NFAT5: variants seen among roughly 807,000 people sequenced by gnomAD.
NFAT5 encodes nuclear factor of activated T-cells 5.
Under a neutral mutation model 166.5 loss-of-function variants are expected in NFAT5, and 31 were observed. The ratio of observed to expected loss-of-function variants is 0.19; its 90% confidence interval spans 0.14 to 0.25. The LOEUF (loss-of-function observed/expected upper bound fraction) is 0.25. NFAT5 is among the 10% of genes least tolerant of loss of function. The probability of loss-of-function intolerance (pLI) is 1.00; values close to 1 mark genes in which losing one functional copy is unlikely to be tolerated. For synonymous variants in NFAT5, 612 were observed against 639.7 expected, an observed-to-expected ratio of 0.96 and a Z score of 0.65; for missense variants, 1,449 against 1,821.8, an observed-to-expected ratio of 0.80 and a Z score of 3.72.
chr16:69,673,291 GTTTTA>G (rs1037898585), intron 9 of NFAT5, among the ~76,000 whole-genome samples: 4 of 152,062 alleles, frequency 2.6e-5, no homozygotes, highest in African/African-American at 4.8e-5. Context: ...TCAGAGAGAG[GTTTTA>G]TTTTATTTTT....
rs1597465557 is a variant in NFAT5 at position 69,647,737 on chromosome 16, A to G, written c.812+151A>G. On this transcript the variant is annotated intron_variant, in intron 4 of 14. Coordinates refer to ENST00000349945, the MANE Select transcript of NFAT5 (RefSeq NM_138713.4). This position sits in a 1 kb window ranked among gnomAD's most constrained non-coding sequence, Gnocchi z 4.8. ...TTGAAATACATGAAAATTTTAACTT[A>G]AAATTACCAACTTTTACTAGATAGA... 6.0e-6 allele frequency: 4 copies of G among 664,148 alleles called. No individual in the cohort carries two copies. Among genetic ancestry groups the G allele is most frequent in the Non-Finnish European group, 7.3e-6 (3 of 409,738 alleles). 41.1% of individuals were successfully genotyped at this position (664,148 alleles called of 1,614,324 possible).
At position 69,626,403 on chromosome 16, in the gene NFAT5, A is replaced by C; in HGVS notation, c.128A>C (p.Glu43Ala). 6.4e-7 allele frequency: 1 copy of C among 1,558,768 alleles called. No homozygotes were observed. Among genetic ancestry groups the C allele is most frequent in the Non-Finnish European group, 8.6e-7 (1 of 1,158,252 alleles). Reference protein sequence around the residue: ...QNFHRAGLLEESVYDLLPKEL... With the variant: ...QNFHRAGLLEASVYDLLPKEL... ...TCTCCTCTCTTTCCCCTCCCCACAG[A>C]ATCTGTCTATGATCTTCTCCCAAAG... Residue 43 changes from glutamate (E) to alanine (A), a missense_variant and splice_region_variant, in exon 3 of 15, where the codon GAA (glutamate) becomes GCA (alanine). Coordinates refer to ENST00000349945, the MANE Select transcript of NFAT5 (RefSeq NM_138713.4).
At chr16:69,587,735 G>C (rs2032174561) in intron 2 of NFAT5, among the ~76,000 whole-genome samples, 1 of 151,942 alleles carries the variant, frequency 6.6e-6, no homozygotes. Flanking sequence ...TTTTCTATTT[G>C]AAAGAATAAT....
chr16:69,590,410 A>AT (rs1054989609), intron 2 of NFAT5, among the ~76,000 whole-genome samples: 7 of 152,120 alleles, frequency 4.6e-5, no homozygotes, highest in African/African-American at 1.7e-4. Flanking sequence ...AAAGTTCAGG[A>AT]TTTTTTGCGT....
At chr16:69,601,736 A>G (rs1271859600) in intron 2 of NFAT5, among the ~76,000 whole-genome samples, 1 of 152,174 alleles carries the variant, frequency 6.6e-6, no homozygotes, top group African/African-American at 2.4e-5. Context: ...CTATTATTTC[A>G]TTTTATTTTT....
At chr16:69,671,623 C>T (rs1019923401) in intron 9 of NFAT5, among the ~76,000 whole-genome samples, 1 of 152,190 alleles carries the variant, frequency 6.6e-6, no homozygotes, top group Non-Finnish European at 1.5e-5. Context: ...CCCGCCTTGG[C>T]CTCCCAAAGT....
chr16:69,616,686 T>C (rs1032202852), intron 2 of NFAT5, among the ~76,000 whole-genome samples: 1 of 152,036 alleles, frequency 6.6e-6, no homozygotes, highest in African/African-American at 2.4e-5. Flanking sequence ...TTCTTCACCC[T>C]GCTTAGGCTC....
intron 2 of NFAT5, among the ~76,000 whole-genome samples, chr16:69,588,353 A>G (rs2032232593): frequency 6.6e-6 from 1 of 152,192 alleles, no homozygotes; most frequent in Non-Finnish European, 1.5e-5. Context: ...AACTCCTGAG[A>G]ATACTTAAGA....
intron 2 of NFAT5, among the ~76,000 whole-genome samples, chr16:69,582,031 G>A (rs912050315): frequency 2.6e-5 from 4 of 152,144 alleles, no homozygotes; most frequent in African/African-American, 7.2e-5. Context: ...TTGTGAGGCC[G>A]AGGAGGGCGG....
chr16:69,576,949 A>T (rs190094083), intron 2 of NFAT5, among the ~76,000 whole-genome samples: 2 of 152,210 alleles, frequency 1.3e-5, no homozygotes, highest in African/African-American at 4.8e-5. Context: ...GGAAGCATGG[A>T]TGCCATTGTT....
Position 69,566,023 on chromosome 16 carries a change from A to C in NFAT5, c.-279A>C. On this transcript the variant is annotated 5_prime_UTR_variant, in exon 1 of 15. Coordinates refer to ENST00000349945, the MANE Select transcript of NFAT5 (RefSeq NM_138713.4). The surrounding 1 kb of genome is among the most constrained non-coding windows in gnomAD (Gnocchi z 5.7). ...GACCGTCAGTTTTCGCTGAGGAGAA[A>C]CACGAAACGGACCCTTTGGCTCTCC... The C allele has an allele frequency of 2.4e-6, 1 of 408,796 alleles. No individual in the cohort carries two copies. Among genetic ancestry groups the C allele is most frequent in the Non-Finnish European group, 4.3e-6 (1 of 229,922 alleles). The allele number at this position is 408,796 out of a possible 1,614,324, so 25.3% of individuals were successfully genotyped here. A position where few individuals can be genotyped will look rare whatever the true frequency, so the allele number is the denominator to read the frequency against.
At chr16:69,659,963 A>G (rs2036052220) in intron 7 of NFAT5, 64 bp downstream of exon 7, 5 of 1,336,654 alleles carry the variant, frequency 3.7e-6, no homozygotes, top group Admixed American at 2.4e-5. Context: ...TTAATCTTTT[A>G]GACATCTCTA....
intron 2 of NFAT5, among the ~76,000 whole-genome samples, chr16:69,618,158 CAA>C (rs549536024): frequency 9.5e-5 from 8 of 84,352 alleles, no homozygotes; most frequent in Non-Finnish European, 7.5e-5. Flanking sequence ...AACTCCATCT[CAA>C]AAAAAAAAAA....
chr16:69,589,077 C>T (rs1259744885), intron 2 of NFAT5, among the ~76,000 whole-genome samples: 1 of 148,404 alleles, frequency 6.7e-6, no homozygotes, highest in Non-Finnish European at 1.5e-5. Context: ...TCACCACAAC[C>T]TCCACGTCCT....
Position 69,702,132 on chromosome 16 carries a change from A to T in NFAT5, c.*5781A>T, listed in dbSNP as rs1290416497. ...GTGGCACTGAGGACTGCAAACTTTT[A>T]TGCAATATTCTTAATACCCTATTGA... On this transcript the variant is annotated 3_prime_UTR_variant, in exon 15 of 15. Coordinates refer to ENST00000349945, the MANE Select transcript of NFAT5 (RefSeq NM_138713.4). 1 of 152,624 alleles carries T rather than the reference A, an allele frequency of 6.6e-6. No individual in the cohort carries two copies. The highest frequency in any genetic ancestry group is 2.4e-5 in the African/African-American group (1 of 41,448). The allele number at this position is 152,624 out of a possible 1,614,324, so 9.5% of individuals were successfully genotyped here. A position where few individuals can be genotyped will look rare whatever the true frequency, so the allele number is the denominator to read the frequency against.
At chr16:69,606,402 A>G (rs2033412623) in intron 2 of NFAT5, among the ~76,000 whole-genome samples, 1 of 152,188 alleles carries the variant, frequency 6.6e-6, no homozygotes, top group South Asian at 2.1e-4. Context: ...GTATTGCTGG[A>G]TCCTGTGATT....
At chr16:69,643,428 A>G (rs1229841894) in intron 3 of NFAT5, among the ~76,000 whole-genome samples, 1 of 147,442 alleles carries the variant, frequency 6.8e-6, no homozygotes, top group Non-Finnish European at 1.5e-5. Context: ...ATGTATTTAT[A>G]TTTTAATAGG....
At chr16:69,614,926 G>T (rs2033870887) in intron 2 of NFAT5, among the ~76,000 whole-genome samples, 1 of 147,278 alleles carries the variant, frequency 6.8e-6, no homozygotes, top group Non-Finnish European at 1.5e-5. Context: ...ACCCAGGCTG[G>T]AGTACAGTGG....
chr16:69,646,077 G>A (rs2035427252), intron 3 of NFAT5, among the ~76,000 whole-genome samples: 1 of 152,076 alleles, frequency 6.6e-6, no homozygotes, highest in Non-Finnish European at 1.5e-5. Context: ...ATTTACCATT[G>A]TTCTTACATT....
Sources: allele counts gnomAD v4.1 joint callset (sites outside exome capture counted in the v4.1 genomes callset), GRCh38; gene constraint gnomAD v4.1.1; non-coding constraint Gnocchi (gnomAD v3.1); transcripts MANE v1.5; gene names NCBI Gene and HGNC (gene_info 2026-07-23, HGNC 2026-07-21).